The following EGFR variants were observed in gnomAD, a reference collection of about 807,000 sequenced individuals.
EGFR encodes epidermal growth factor receptor.
In EGFR, 58 loss-of-function variants were observed where a neutral mutation model predicts 143.0. The ratio of observed to expected loss-of-function variants is 0.41; its 90% confidence interval spans 0.33 to 0.50. The LOEUF is 0.50. EGFR is among the 20% of genes least tolerant of loss of function. The pLI is 0.39. For synonymous variants in EGFR, 613 were observed against 594.4 expected (o/e 1.03, Z -0.45); for missense variants, 1,307 against 1,579.0 (o/e 0.83, Z 2.92).
intron 1 of EGFR, among the ~76,000 whole-genome samples, chr7:55,124,218 A>G (rs1793384873): frequency 6.6e-6 from 1 of 152,246 alleles, no homozygotes; most frequent in African/African-American, 2.4e-5. Context: ...TGTCCCTATG[A>G]CATTCCATAC....
chr7:55,192,329 C>T lies in EGFR; in HGVS notation c.2626-437C>T, dbSNP rs41492046. ...GAGTCCTTCTCTCCCTTCACTGGCT[C>T]GGTTTCTCTTAGGGACCCTCACAGC... is the stretch of plus-strand genomic sequence containing the variant. On this transcript the variant is annotated intron_variant, in intron 21 of 27. Coordinates refer to ENST00000275493, the MANE Select transcript of EGFR (RefSeq NM_005228.5). Among the ~76,000 whole-genome samples, 945 of 152,218 alleles carry T rather than the reference C, an allele frequency of 6.2e-3. 12 individuals carry two copies. Among genetic ancestry groups the T allele is most frequent in the African/African-American group, 0.022 (910 of 41,534 alleles).
At chr7:55,116,293 GC>G (rs1456663153) in intron 1 of EGFR, among the ~76,000 whole-genome samples, 1 of 152,126 alleles carries the variant, frequency 6.6e-6, no homozygotes, top group Non-Finnish European at 1.5e-5. Context: ...AGATTCCTGT[GC>G]CCACGCAATG....
At chr7:55,115,723 G>C (rs1265541711) in intron 1 of EGFR, among the ~76,000 whole-genome samples, 2 of 152,156 alleles carry the variant, frequency 1.3e-5, no homozygotes, top group Non-Finnish European at 2.9e-5. Flanking sequence ...AGCACCTGGA[G>C]CTTCCTGTGT....
At chr7:55,031,955 G>A (rs1304559858) in intron 1 of EGFR, among the ~76,000 whole-genome samples, 2 of 152,170 alleles carry the variant, frequency 1.3e-5, no homozygotes, top group Admixed American at 1.3e-4. Context: ...AGCATGAGGT[G>A]GTGGTCACAG....
intron 19 of EGFR, among the ~76,000 whole-genome samples, chr7:55,177,612 A>G (rs1786654743): frequency 6.6e-6 from 1 of 152,220 alleles, no homozygotes; most frequent in Non-Finnish European, 1.5e-5. Flanking sequence ...TGGAATCCCA[A>G]TTCATACGGT....
intron 1 of EGFR, among the ~76,000 whole-genome samples, chr7:55,131,941 A>T (rs1319353498): frequency 6.9e-6 from 1 of 144,736 alleles, no homozygotes; most frequent in Non-Finnish European, 1.5e-5. Flanking sequence ...TGCTTTCAGA[A>T]AAAAAAAAAA....
intron 1 of EGFR, among the ~76,000 whole-genome samples, chr7:55,139,035 GGCACA>G (rs1279436555): frequency 3.9e-5 from 6 of 152,134 alleles, no homozygotes; most frequent in Non-Finnish European, 8.8e-5. Flanking sequence ...CATTCCTTAG[GGCACA>G]GCTCTCATGA....
rs1562650529 is a variant in EGFR, at chr7:55,027,994, ATATATAT to A, written c.88+8630_88+8636del. 6.5e-3 allele frequency among the ~76,000 whole-genome samples: 360 copies of A among 55,040 alleles called. 3 individuals are homozygous for A. Among genetic ancestry groups the A allele is most frequent in the African/African-American group, 0.021 (348 of 16,312 alleles). 36.1% of individuals were successfully genotyped at this position (55,040 alleles called of 152,430 possible). A position where few individuals can be genotyped will look rare whatever the true frequency, so the allele number is the denominator to read the frequency against. Reference sequence around the variant, plus strand: ...TTTATGTAAAAAAAAAAAAAAAAATATATATATATATATATATATATATATATATATA... The same window carrying A: ...TTTATGTAAAAAAAAAAAAAAAAATAATATATATATATATATATATATATA... On this transcript the variant is annotated intron_variant, in intron 1 of 27. Transcript: ENST00000275493.
chr7:55,173,236 A>G, intron 17 of EGFR, 112 bp downstream of exon 17: 1 of 1,453,742 alleles, frequency 6.9e-7, no homozygotes, highest in Admixed American at 1.9e-5. Context: ...TAATTGTATT[A>G]TGATGCAGAA....
intron 1 of EGFR, among the ~76,000 whole-genome samples, chr7:55,117,108 C>T (rs1215466163): frequency 6.6e-6 from 1 of 152,192 alleles, no homozygotes; most frequent in Admixed American, 6.5e-5. Flanking sequence ...TATACACCAC[C>T]AGCAGTAGAA....
At chr7:55,190,128 C>CA (rs1035048140) in intron 20 of EGFR, among the ~76,000 whole-genome samples, 1 of 152,084 alleles carries the variant, frequency 6.6e-6, no homozygotes, top group African/African-American at 2.4e-5. Flanking sequence ...GCTTCTGCCC[C>CA]CCCTCTCCTC....
intron 1 of EGFR, among the ~76,000 whole-genome samples, chr7:55,061,158 A>T (rs1297273421): frequency 6.6e-6 from 1 of 152,188 alleles, no homozygotes; most frequent in Non-Finnish European, 1.5e-5. Flanking sequence ...AATGGATTTC[A>T]TTCCTTTTAT....
chr7:55,044,794 C>A (rs1788095875), intron 1 of EGFR, among the ~76,000 whole-genome samples: 1 of 152,218 alleles, frequency 6.6e-6, no homozygotes, highest in African/African-American at 2.4e-5. Context: ...AGCGGGCATA[C>A]AACAGGGGCA....
rs116506062 is a variant in EGFR, at chr7:55,114,122, A to T, written c.89-28164A>T. Among the ~76,000 whole-genome samples the T allele has an allele frequency of 5.9e-5, 9 of 152,362 alleles. No individual in the cohort carries two copies. The South Asian group carries it at 1.9e-3, about 32-fold the overall frequency. On this transcript the variant is annotated intron_variant, in intron 1 of 27. Coordinates refer to ENST00000275493, the MANE Select transcript of EGFR (RefSeq NM_005228.5). ...GAATATTACAAAAATATAGAAAAGCATGTTATAGTAAATAAAAGGCTCACA... is the reference window on the plus strand; with the variant it reads ...GAATATTACAAAAATATAGAAAAGCTTGTTATAGTAAATAAAAGGCTCACA...
chr7:55,060,567 A>G (rs1352420235), intron 1 of EGFR, among the ~76,000 whole-genome samples: 1 of 152,146 alleles, frequency 6.6e-6, no homozygotes, highest in Non-Finnish European at 1.5e-5. Context: ...TGAACCCAAG[A>G]TATAATCAGT....
chr7:55,029,686 G>T (rs1176981929), intron 1 of EGFR, among the ~76,000 whole-genome samples: 1 of 152,138 alleles, frequency 6.6e-6, no homozygotes, highest in African/African-American at 2.4e-5. Context: ...GTTGTTAAGG[G>T]AGTTTTTCTT....
At position 55,045,045 on chromosome 7, in the gene EGFR, C is replaced by T. The variant is rs115735726; in HGVS notation, c.88+25680C>T. Among the ~76,000 whole-genome samples, 1,321 of 152,276 alleles carry T rather than the reference C, an allele frequency of 8.7e-3. 24 individuals carry two copies. Among genetic ancestry groups the T allele is most frequent in the African/African-American group, 0.031 (1,277 of 41,548 alleles). Reference sequence around the variant, plus strand: ...CATCCAGCTGGCATGATCCTGAGTCCAGCTTTCTTTAAAAGAGCTTCCAAA... The same window carrying T: ...CATCCAGCTGGCATGATCCTGAGTCTAGCTTTCTTTAAAAGAGCTTCCAAA... On this transcript the variant is annotated intron_variant, in intron 1 of 27. Coordinates refer to ENST00000275493, the MANE Select transcript of EGFR (RefSeq NM_005228.5).
intron 1 of EGFR, among the ~76,000 whole-genome samples, chr7:55,050,379 A>G (rs1347421301): frequency 6.6e-6 from 1 of 152,158 alleles, no homozygotes; most frequent in Non-Finnish European, 1.5e-5. Context: ...TTCACTTTCC[A>G]TAATGTCTTC....
At chr7:55,160,874 C>T (rs1402507160) in intron 12 of EGFR, among the ~76,000 whole-genome samples, 1 of 152,240 alleles carries the variant, frequency 6.6e-6, no homozygotes, top group East Asian at 1.9e-4. Flanking sequence ...GCTTTGGCTT[C>T]CTCATCCATA....
Sources: allele counts gnomAD v4.1 joint callset (sites outside exome capture counted in the v4.1 genomes callset), GRCh38; gene constraint gnomAD v4.1.1; transcripts MANE v1.5; gene names NCBI Gene and HGNC (gene_info 2026-07-23, HGNC 2026-07-21).